Variants in IGHMBP2 observed in about 807,000 individuals in gnomAD.
The protein encoded by IGHMBP2 is DNA-binding protein SMUBP-2.
A neutral mutation model predicts 96.0 loss-of-function variants in IGHMBP2; 81 were observed. The observed-to-expected ratio is 0.84, with a 90% CI of 0.71 to 1.01. IGHMBP2 has a LOEUF of 1.01. IGHMBP2 is among the 50% of genes least tolerant of loss of function. The pLI is 0.00. For synonymous variants in IGHMBP2, 557 were observed against 548.9 expected (o/e 1.01, Z -0.21); for missense variants, 1,227 against 1,306.3 (o/e 0.94, Z 0.94).
At position 68,934,452 on chromosome 11, in the gene IGHMBP2, C is replaced by T. The variant is rs755579658; in HGVS notation, c.1538-12C>T. Reference sequence around the variant, plus strand: ...ACCTTGTGCTGCTCACCCGTTCTTTCTTTCCCTCCAGGCGAAGTCCGCCTC... The same window carrying T: ...ACCTTGTGCTGCTCACCCGTTCTTTTTTTCCCTCCAGGCGAAGTCCGCCTC... On this transcript the variant is annotated splice_polypyrimidine_tract_variant and intron_variant, in intron 10 of 14. Transcript: ENST00000255078. 6.3e-7 allele frequency: 1 copy of T among 1,596,680 alleles called. No individual in the cohort carries two copies. Among genetic ancestry groups the T allele is most frequent in the Non-Finnish European group, 8.5e-7 (1 of 1,169,812 alleles).
intron 13 of IGHMBP2, 128 bp downstream of exon 13, chr11:68,937,219 A>G (rs1047059368): frequency 8.1e-6 from 10 of 1,239,278 alleles, no homozygotes; most frequent in Non-Finnish European, 9.2e-6. Flanking sequence ...GTGTCATTTT[A>G]GCTTTATTTT....
Position 68,917,288 on chromosome 11 carries a change from T to C in IGHMBP2, c.913-448T>C, listed in dbSNP as rs551110921. On this transcript the variant is annotated intron_variant, in intron 6 of 14. Transcript: ENST00000255078. ...CACCGCGCCTGACCAGTTCCATCTT[T>C]TTGAGATATTAAAGTAAGTTGAGGT... Among the ~76,000 whole-genome samples, 199 of 152,290 alleles carry C rather than the reference T, an allele frequency of 1.3e-3. 1 individual carries two copies. Among genetic ancestry groups the C allele is most frequent in the Non-Finnish European group, 2.1e-3 (144 of 68,020 alleles).
intron 12 of IGHMBP2, among the ~76,000 whole-genome samples, chr11:68,935,655 G>A (rs147803913): frequency 8.5e-5 from 13 of 152,266 alleles, no homozygotes; most frequent in Admixed American, 5.2e-4. Flanking sequence ...AGCTGGGGGC[G>A]CAGGGTGGGC....
At chr11:68,931,742 C>G in intron 8 of IGHMBP2, among the ~76,000 whole-genome samples, 1 of 152,158 alleles carries the variant, frequency 6.6e-6, no homozygotes, top group Non-Finnish European at 1.5e-5. Context: ...GACGCTTATT[C>G]AGTGGCTTCT....
intron 1 of IGHMBP2, 142 bp from the exon 2 acceptor site, chr11:68,905,927 A>T: frequency 1.2e-6 from 1 of 856,204 alleles, no homozygotes; most frequent in South Asian, 1.3e-5. Flanking sequence ...TTGGGAGTGG[A>T]GCCAATTCGG....
intron 4 of IGHMBP2, among the ~76,000 whole-genome samples, chr11:68,909,675 T>C (rs899572109): frequency 3.4e-5 from 5 of 147,112 alleles, no homozygotes; most frequent in African/African-American, 1.0e-4. Context: ...TCACCAAGAG[T>C]GGGGTGCAGT....
intron 6 of IGHMBP2, 107 bp from the exon 7 acceptor site, chr11:68,917,629 A>G: frequency 1.1e-6 from 1 of 912,886 alleles, no homozygotes; most frequent in Admixed American, 1.9e-5. Flanking sequence ...AGTGTTTTTT[A>G]CGGAGTTTAT....
chr11:68,924,608 C>G (rs1252416988), intron 7 of IGHMBP2, among the ~76,000 whole-genome samples: 1 of 152,244 alleles, frequency 6.6e-6, no homozygotes, highest in African/African-American at 2.4e-5. Flanking sequence ...GGAGGCCGCT[C>G]TTAGCTGTTT....
Position 68,936,243 on chromosome 11 carries a change from T to C in IGHMBP2, c.1763T>C (p.Val588Ala), listed in dbSNP as rs754815493. ...CCCCTCTGGCCTTTTGTAGGTGAAG[T>C]TGGTTTTCTTGCTGAGGACCGGAGG... ...SFVRSNRKGEVGFLAEDRRIN... is the reference protein window; with the variant it reads ...SFVRSNRKGEAGFLAEDRRIN... The change falls in exon 13 of 15, where the codon GTT (valine) becomes GCT (alanine). Residue 588 changes from valine to alanine, a missense_variant. Around this residue, in one of 3 missense-constraint regions of IGHMBP2, gnomAD observed 703 missense variants for 770.3 expected, o/e 0.91. Coordinates refer to ENST00000255078, the MANE Select transcript of IGHMBP2 (RefSeq NM_002180.3). 6.8e-6 allele frequency: 11 copies of C among 1,614,070 alleles called. No homozygotes were observed. The highest frequency in any genetic ancestry group is 9.3e-6 in the Non-Finnish European group (11 of 1,180,010).
At chr11:68,915,883 A>C (rs1307098227) in intron 6 of IGHMBP2, among the ~76,000 whole-genome samples, 1 of 151,808 alleles carries the variant, frequency 6.6e-6, no homozygotes, top group African/African-American at 2.4e-5. Flanking sequence ...TGTAAAGAAA[A>C]CATTTTCCGG....
Position 68,908,536 on chromosome 11 carries a change from C to G in IGHMBP2, c.452C>G (p.Ala151Gly), listed in dbSNP as rs764874107. 6.2e-7 allele frequency: 1 copy of G among 1,612,860 alleles called. No homozygotes were observed. Among genetic ancestry groups the G allele is most frequent in the South Asian group, 1.1e-5 (1 of 91,056 alleles). ...NDVTYRRLKK[A>G]LIALKKYHSG... ...ATTTTAGTTTTCTCCCTTGGCAGAGCCCTGATTGCTCTAAAGAAGTATCAT... is the reference window on the plus strand; with the variant it reads ...ATTTTAGTTTTCTCCCTTGGCAGAGGCCTGATTGCTCTAAAGAAGTATCAT... Residue 151 changes from alanine (A) to glycine (G), a missense_variant and splice_region_variant, in exon 4 of 15, where the codon GCC becomes GGC. By Grantham distance (60) the Ala-to-Gly change is moderately conservative (BLOSUM62 0). Around this residue, in one of 3 missense-constraint regions of IGHMBP2, gnomAD observed 507 missense variants for 496.9 expected, o/e 1.02. Coordinates refer to ENST00000255078, the MANE Select transcript of IGHMBP2 (RefSeq NM_002180.3).
intron 6 of IGHMBP2, among the ~76,000 whole-genome samples, chr11:68,915,638 A>G (rs1373485415): frequency 6.6e-6 from 1 of 151,172 alleles, no homozygotes; most frequent in Non-Finnish European, 1.5e-5. Flanking sequence ...ATGTGCCACC[A>G]CACCCAACCA....
Position 68,936,661 on chromosome 11 carries a change from C to T in IGHMBP2, c.2181C>T (p.Asp727=). 6.2e-7 allele frequency: 1 copy of T among 1,613,952 alleles called. No homozygotes were observed. Among genetic ancestry groups the T allele is most frequent in the Non-Finnish European group, 8.5e-7 (1 of 1,179,992 alleles). Residue 727 remains aspartate (D), a synonymous_variant, in exon 13 of 15, where the codon GAC becomes GAT. Transcript: ENST00000255078. ...PEGVESQDGV[D]HFRAMIVEFM... ...GAGTGGAGAGCCAAGATGGCGTGGA[C>T]CACTTCCGGGCCATGATAGTGGAGT...
intron 14 of IGHMBP2, among the ~76,000 whole-genome samples, chr11:68,939,016 G>A (rs558839754): frequency 6.6e-6 from 1 of 152,260 alleles, no homozygotes; most frequent in African/African-American, 2.4e-5. Flanking sequence ...GGCTGGGAAG[G>A]ACAGGGCCGA....
chr11:68,929,051 T>TA (rs1198076947), intron 7 of IGHMBP2, 132 bp from the exon 8 acceptor site: 1 of 877,850 alleles, frequency 1.1e-6, no homozygotes, highest in African/African-American at 1.6e-5. Flanking sequence ...TATTACAAGA[T>TA]ACAAATTTAT....
chr11:68,905,428 CGATCCCCT>C (rs1858151746), intron 1 of IGHMBP2, among the ~76,000 whole-genome samples: 2 of 152,312 alleles, frequency 1.3e-5, no homozygotes, highest in South Asian at 4.1e-4. Context: ...GAGAATGAAA[CGATCCCCT>C]GTCAGTCAGG....
rs192025232 is a variant in IGHMBP2 at position 68,940,255 on chromosome 11, T to A, written c.*524T>A. On this transcript the variant is annotated 3_prime_UTR_variant, in exon 15 of 15. Transcript: ENST00000255078. ...CTTCTGTCTGCTGGTGACTGCAGTGTTCCCCCTCCTCCTCACCACGGGGCT... is the reference window on the plus strand; with the variant it reads ...CTTCTGTCTGCTGGTGACTGCAGTGATCCCCCTCCTCCTCACCACGGGGCT... 6 of 160,336 alleles carry A rather than the reference T, an allele frequency of 3.7e-5. No individual in the cohort carries two copies. The highest frequency in any genetic ancestry group is 8.2e-5 in the Non-Finnish European group (6 of 72,904). 9.9% of individuals were successfully genotyped at this position (160,336 alleles called of 1,614,324 possible).
Position 68,906,640 on chromosome 11 carries a change from C to CTTT in IGHMBP2, c.256+419_256+421dup, listed in dbSNP as rs60710565. ...TTAAAATAATTTACCCATTTCTTTT[C>CTTT]TTTTTTTTTTTTTTTTTTTGAGACA... is the stretch of plus-strand genomic sequence containing the variant. On this transcript the variant is annotated intron_variant, in intron 2 of 14. Transcript: ENST00000255078. Among the ~76,000 whole-genome samples, 42 of 117,574 alleles carry CTTT rather than the reference C, an allele frequency of 3.6e-4. 1 individual carries two copies. Among genetic ancestry groups the CTTT allele is most frequent in the African/African-American group, 1.1e-3 (32 of 30,328 alleles). The allele number at this position is 117,574 out of a possible 152,430, so 77.1% of individuals were successfully genotyped here. A position where few individuals can be genotyped will look rare whatever the true frequency, so the allele number is the denominator to read the frequency against.
chr11:68,911,987 C>T (rs147665335), intron 5 of IGHMBP2, among the ~76,000 whole-genome samples: 606 of 152,322 alleles, frequency 4.0e-3, no homozygotes, highest in African/African-American at 0.014. Flanking sequence ...AGGAGCTCAG[C>T]GTCTGGTTGA....
Sources: gnomAD v4.1 joint callset for allele counts (sites outside exome capture counted in the v4.1 genomes callset) on GRCh38, gnomAD v4.1.1 for gene constraint, gnomAD v4.1.1 regional missense constraint, MANE v1.5 for transcripts, NCBI Gene and HGNC (gene_info 2026-07-23, HGNC 2026-07-21) for gene names.